Variants in TBC1D5 observed in about 807,000 individuals in gnomAD.
The protein encoded by TBC1D5 is TBC1 domain family, member 5.
Under a neutral mutation model 100.3 loss-of-function variants are expected in TBC1D5, and 75 were observed. The observed-to-expected ratio is 0.75, with a 90% CI of 0.62 to 0.91. The LOEUF (loss-of-function observed/expected upper bound fraction) is 0.91, where lower values mean the gene tolerates loss of function less well. Among genes scored for constraint, TBC1D5 ranks in the 40% least tolerant of loss-of-function variants. TBC1D5 has a pLI of 0.00. For synonymous variants in TBC1D5, 323 were observed against 325.6 expected (o/e 0.99, Z 0.09); for missense variants, 910 against 942.4 (o/e 0.97, Z 0.45).
chr3:17,390,394 G>T (rs543427672), intron 8 of TBC1D5, among the ~76,000 whole-genome samples: 39 of 152,158 alleles, frequency 2.6e-4, no homozygotes, highest in African/African-American at 8.7e-4. Flanking sequence ...GCAAGAAAAG[G>T]GTTAAGAAAA....
At chr3:17,715,813 G>A (rs577801421) in intron 1 of TBC1D5, among the ~76,000 whole-genome samples, 16 of 152,030 alleles carry the variant, frequency 1.1e-4, no homozygotes, top group South Asian at 8.3e-4. Flanking sequence ...TAAAAAAAAG[G>A]GGGGGGAGGC....
At chr3:17,367,364 A>G (rs1422223654) in intron 13 of TBC1D5, among the ~76,000 whole-genome samples, 1 of 152,188 alleles carries the variant, frequency 6.6e-6, no homozygotes, top group Admixed American at 6.5e-5. Flanking sequence ...ATAATCCCCA[A>G]GTGATGAAAT....
chr3:17,470,829 G>T (rs1055131683), intron 3 of TBC1D5, among the ~76,000 whole-genome samples: 6 of 152,130 alleles, frequency 3.9e-5, no homozygotes. Flanking sequence ...GGCTGAGGCA[G>T]GAGAATCATT....
At chr3:17,648,188 C>A (rs1447242545) in intron 1 of TBC1D5, among the ~76,000 whole-genome samples, 1 of 152,102 alleles carries the variant, frequency 6.6e-6, no homozygotes, top group Admixed American at 6.5e-5. Flanking sequence ...ACATCTATGA[C>A]CATCTGATCT....
chr3:17,700,332 G>T (rs988690166), intron 1 of TBC1D5, among the ~76,000 whole-genome samples: 3 of 152,120 alleles, frequency 2.0e-5, no homozygotes, highest in African/African-American at 7.2e-5. Flanking sequence ...ATTAATTCAA[G>T]ATGGATTAAA....
intron 1 of TBC1D5, among the ~76,000 whole-genome samples, chr3:17,706,712 G>A (rs1163859517): frequency 6.6e-6 from 1 of 151,554 alleles, no homozygotes; most frequent in African/African-American, 2.4e-5. Flanking sequence ...TCATAATTAT[G>A]CATAATTATA....
At chr3:17,543,284 G>C (rs1184880006) in intron 2 of TBC1D5, among the ~76,000 whole-genome samples, 2 of 152,190 alleles carry the variant, frequency 1.3e-5, no homozygotes, top group Non-Finnish European at 2.9e-5. Flanking sequence ...ATTATAATTT[G>C]GGGTGGCGTT....
At chr3:17,221,390 T>A (rs2074267396) in intron 17 of TBC1D5, among the ~76,000 whole-genome samples, 1 of 152,104 alleles carries the variant, frequency 6.6e-6, no homozygotes. Context: ...ACCCATTAAC[T>A]CGTCATTTAG....
At chr3:17,224,253 G>A (rs2074603151) in intron 17 of TBC1D5, among the ~76,000 whole-genome samples, 1 of 152,178 alleles carries the variant, frequency 6.6e-6, no homozygotes, top group Non-Finnish European at 1.5e-5. Context: ...CCTGCACATT[G>A]TGGAGCTACC....
intron 3 of TBC1D5, among the ~76,000 whole-genome samples, chr3:17,455,530 A>ATG (rs144088938): frequency 7.3e-4 from 104 of 143,342 alleles, no homozygotes; most frequent in South Asian, 3.4e-3. Flanking sequence ...ATATATATAT[A>ATG]TGTGTGTGTG....
chr3:17,352,884 C>A (rs970134045), intron 13 of TBC1D5, among the ~76,000 whole-genome samples: 5 of 152,016 alleles, frequency 3.3e-5, no homozygotes, highest in Non-Finnish European at 5.9e-5. Flanking sequence ...CCACTCAAGT[C>A]CAACCTACCG....
exon 22 of TBC1D5, chr3:17,161,190 C>A: frequency 6.2e-7 from 1 of 1,614,244 alleles, no homozygotes; most frequent in Non-Finnish European, 8.5e-7. Flanking sequence ...CCATCATCAT[C>A]TTTGGAAATC....
At chr3:17,449,790 C>T (rs989486082) in intron 3 of TBC1D5, among the ~76,000 whole-genome samples, 2 of 152,174 alleles carry the variant, frequency 1.3e-5, no homozygotes, top group Non-Finnish European at 1.5e-5. Context: ...GGGGAAGGGG[C>T]GGCTGTGGGA....
At position 17,412,934 on chromosome 3, in the gene TBC1D5, C is replaced by G. The variant is rs557084653; in HGVS notation, c.168-6408G>C. On this transcript the variant is annotated intron_variant, in intron 4 of 21. Transcript: ENST00000253692. Reference sequence around the variant, plus strand: ...AGAAATATACCCTTGTTTTCTTCCTCAGATTTTTAGTTTTTGAATATCAAG... The same window carrying G: ...AGAAATATACCCTTGTTTTCTTCCTGAGATTTTTAGTTTTTGAATATCAAG... Among the ~76,000 whole-genome samples the G allele has an allele frequency of 2.0e-5, 3 of 152,194 alleles. No homozygotes were observed. In the South Asian group the frequency reaches 6.2e-4, roughly 32 times the overall value.
chr3:17,607,394 C>T (rs375240275), intron 2 of TBC1D5, among the ~76,000 whole-genome samples: 7 of 152,128 alleles, frequency 4.6e-5, no homozygotes, highest in Admixed American at 4.6e-4. Flanking sequence ...ACTTCCAACT[C>T]AACATAAATT....
exon 22 of TBC1D5, chr3:17,157,791 A>G (rs2065720719): frequency 6.6e-6 from 1 of 152,372 alleles, no homozygotes; most frequent in South Asian, 2.1e-4. Context: ...ACTGCCACAG[A>G]GTTTGATATT....
chr3:17,690,719 G>C (rs114992729), intron 1 of TBC1D5, among the ~76,000 whole-genome samples: 3,403 of 152,190 alleles, frequency 0.022, 112 homozygotes, highest in African/African-American at 0.077. Flanking sequence ...TCTAGGTTGC[G>C]TGCTCCTTAT....
intron 1 of TBC1D5, among the ~76,000 whole-genome samples, chr3:17,715,136 A>C (rs1330530650): frequency 1.3e-5 from 2 of 152,238 alleles, no homozygotes; most frequent in Non-Finnish European, 2.9e-5. Context: ...ATATTTACTA[A>C]ATGTAAATGT....
At chr3:17,164,796 C>T (rs2066427997) in intron 21 of TBC1D5, among the ~76,000 whole-genome samples, 1 of 152,232 alleles carries the variant, frequency 6.6e-6, no homozygotes, top group African/African-American at 2.4e-5. Context: ...AGGCCCCATG[C>T]ACTTGGCTTC....
Sources: gnomAD v4.1 joint callset for allele counts (sites outside exome capture counted in the v4.1 genomes callset) on GRCh38, gnomAD v4.1.1 for gene constraint, MANE v1.5 for transcripts, NCBI Gene and HGNC (gene_info 2026-07-23, HGNC 2026-07-21) for gene names.